Variants in ARIH1 observed in about 807,000 individuals in gnomAD.
The protein encoded by ARIH1 is ariadne RBR E3 ubiquitin protein ligase 1.
Under a neutral mutation model 85.0 loss-of-function variants are expected in ARIH1, and 8 were observed. The ratio of observed to expected loss-of-function variants is 0.09; its 90% CI spans 0.06 to 0.17. The LOEUF (loss-of-function observed/expected upper bound fraction) is 0.17. ARIH1 is among the 10% of genes least tolerant of loss of function. The pLI is 1.00. For synonymous variants in ARIH1, 238 were observed against 253.6 expected (o/e 0.94, Z 0.59); for missense variants, 311 against 718.1 (o/e 0.43, Z 6.48).
At chr15:72,517,702 G>A (rs905137127) in intron 1 of ARIH1, among the ~76,000 whole-genome samples, 1 of 152,180 alleles carries the variant, frequency 6.6e-6, no homozygotes, top group Non-Finnish European at 1.5e-5. Context: ...GGGATTACAG[G>A]TGTGAGCACC....
At chr15:72,556,439 T>G (rs1567355189) in intron 5 of ARIH1, among the ~76,000 whole-genome samples, 1 of 152,208 alleles carries the variant, frequency 6.6e-6, no homozygotes, top group Non-Finnish European at 1.5e-5. Context: ...CCCAGTACAC[T>G]TGATATGCTC....
chr15:72,561,283 A>T (rs2064196358), intron 5 of ARIH1, among the ~76,000 whole-genome samples, 200 bp from the exon 6 acceptor site: 1 of 152,226 alleles, frequency 6.6e-6, no homozygotes, highest in African/African-American at 2.4e-5. Context: ...AGTCTATGAA[A>T]ATAAAACTAT....
Position 72,565,494 on chromosome 15 carries a change from A to G in ARIH1, c.912-1069A>G, listed in dbSNP as rs1015145346. Among the ~76,000 whole-genome samples, 3 of 152,292 alleles carry G rather than the reference A, an allele frequency of 2.0e-5. No homozygotes were observed. The East Asian group carries it at 5.8e-4, about 29-fold the overall frequency. The stretch of plus-strand genomic sequence containing the variant: ...AAACATCTATAGAATTACACTTAAC[A>G]CATCATTAATAATAAATATTTCCAA... On this transcript the variant is annotated intron_variant, in intron 7 of 13. Coordinates refer to ENST00000379887, the MANE Select transcript of ARIH1 (RefSeq NM_005744.5).
chr15:72,546,089 CTA>C (rs1211749773), intron 3 of ARIH1, among the ~76,000 whole-genome samples: 1 of 152,182 alleles, frequency 6.6e-6, no homozygotes, highest in East Asian at 1.9e-4. Context: ...AGTGTTATGG[CTA>C]TTCACAGGCA....
At chr15:72,494,178 A>G (rs1474908376) in intron 1 of ARIH1, among the ~76,000 whole-genome samples, 2 of 152,170 alleles carry the variant, frequency 1.3e-5, no homozygotes. Flanking sequence ...TGAGTACTTG[A>G]TTTATTTTTA....
At chr15:72,533,003 G>A (rs2064064564) in intron 2 of ARIH1, among the ~76,000 whole-genome samples, 1 of 152,166 alleles carries the variant, frequency 6.6e-6, no homozygotes, top group South Asian at 2.1e-4. Flanking sequence ...CTTTTAGATG[G>A]GAGTTCAAGA....
chr15:72,509,652 G>A (rs2063941591), intron 1 of ARIH1, among the ~76,000 whole-genome samples: 1 of 152,032 alleles, frequency 6.6e-6, no homozygotes, highest in African/African-American at 2.4e-5. Context: ...GCAGTGATGC[G>A]ATCATAGGTC....
chr15:72,477,986 T>C (rs138515670), intron 1 of ARIH1, among the ~76,000 whole-genome samples: 44 of 152,204 alleles, frequency 2.9e-4, no homozygotes, highest in African/African-American at 1.1e-3. Flanking sequence ...CAGCTAATTC[T>C]TGTGTTACAG....
intron 5 of ARIH1, among the ~76,000 whole-genome samples, chr15:72,559,435 A>C (rs988120413): frequency 4.0e-5 from 6 of 151,892 alleles, no homozygotes; most frequent in African/African-American, 1.5e-4. Context: ...ATGCTCGGCT[A>C]ATTTTTTTGT....
Position 72,596,528 on chromosome 15 carries a change from C to T in ARIH1, c.*13236C>T, listed in dbSNP as rs2064364240. The T allele has an allele frequency of 1.3e-5, 2 of 152,078 alleles. No homozygotes were observed. Among genetic ancestry groups the T allele is most frequent in the Admixed American group, 1.3e-4 (2 of 15,268 alleles). 9.4% of individuals were successfully genotyped at this position (152,078 alleles called of 1,614,324 possible). ...TTGGCCGTTATCCGTTTACATTTTT[C>T]TCTTGTCTCATACTCTCTTGCTTCT... On this transcript the variant is annotated 3_prime_UTR_variant, in exon 14 of 14. Transcript: ENST00000379887.
At chr15:72,508,949 T>C (rs1024411278) in intron 1 of ARIH1, among the ~76,000 whole-genome samples, 5 of 151,930 alleles carry the variant, frequency 3.3e-5, no homozygotes, top group African/African-American at 7.3e-5. Flanking sequence ...CCGCCTTAGC[T>C]TCCCAAAGTG....
At chr15:72,550,123 T>C (rs966444809) in intron 3 of ARIH1, among the ~76,000 whole-genome samples, 1 of 152,244 alleles carries the variant, frequency 6.6e-6, no homozygotes, top group African/African-American at 2.4e-5. Flanking sequence ...GCTCTATCTT[T>C]AGACATCCAT....
At position 72,507,562 on chromosome 15, in the gene ARIH1, A is replaced by G. The variant is rs568939806; in HGVS notation, c.376-10505A>G. 8.5e-5 allele frequency among the ~76,000 whole-genome samples: 13 copies of G among 152,266 alleles called. No homozygotes were observed. The East Asian group carries it at 2.5e-3, about 29-fold the overall frequency. On this transcript the variant is annotated intron_variant, in intron 1 of 13. Transcript: ENST00000379887. Reference sequence around the variant, plus strand: ...AAAAGCTTCCTAGATGGCTGTGCACAGTGGCTCATTCCTATAATCCCTGTG... The same window carrying G: ...AAAAGCTTCCTAGATGGCTGTGCACGGTGGCTCATTCCTATAATCCCTGTG...
chr15:72,556,815 G>A (rs901648825), intron 5 of ARIH1, among the ~76,000 whole-genome samples: 4 of 152,164 alleles, frequency 2.6e-5, no homozygotes, highest in African/African-American at 9.7e-5. Flanking sequence ...AGAACATGTG[G>A]TATTGAGTAT....
chr15:72,560,343 T>C lies in ARIH1; in HGVS notation c.738-1140T>C, dbSNP rs1229907928. Among the ~76,000 whole-genome samples, 5 of 152,178 alleles carry C rather than the reference T, an allele frequency of 3.3e-5. No homozygotes were observed. The East Asian group carries it at 9.6e-4, about 29-fold the overall frequency. On this transcript the variant is annotated intron_variant, in intron 5 of 13. Coordinates refer to ENST00000379887, the MANE Select transcript of ARIH1 (RefSeq NM_005744.5). The stretch of plus-strand genomic sequence containing the variant: ...TGTGGAAACTCAGGAAAGGCTTCCT[T>C]GAGTAATACTTTATTGTAACTGAGT...
rs559604542 is a variant in ARIH1 at position 72,589,976 on chromosome 15, T to C, written c.*6684T>C. Reference sequence around the variant, plus strand: ...TCCTAGCTCTTCCATCTCAGTCTTATGATGTAGTTACTATTTTCATTTTAT... The same window carrying C: ...TCCTAGCTCTTCCATCTCAGTCTTACGATGTAGTTACTATTTTCATTTTAT... On this transcript the variant is annotated 3_prime_UTR_variant, in exon 14 of 14. Coordinates refer to ENST00000379887, the MANE Select transcript of ARIH1 (RefSeq NM_005744.5). 5 of 152,206 alleles carry C rather than the reference T, an allele frequency of 3.3e-5. No individual in the cohort carries two copies. Among genetic ancestry groups the C allele is most frequent in the East Asian group, 1.9e-4 (1 of 5,194 alleles). 9.4% of individuals were successfully genotyped at this position (152,206 alleles called of 1,614,324 possible).
intron 1 of ARIH1, among the ~76,000 whole-genome samples, chr15:72,497,913 T>C (rs1165246670): frequency 1.3e-5 from 2 of 152,212 alleles, no homozygotes; most frequent in South Asian, 2.1e-4. Flanking sequence ...AAACTCCATA[T>C]ACTATATTGA....
intron 1 of ARIH1, among the ~76,000 whole-genome samples, chr15:72,482,173 G>C (rs1374580956): frequency 6.6e-6 from 1 of 152,090 alleles, no homozygotes; most frequent in African/African-American, 2.4e-5. Context: ...AGTGACATCT[G>C]ACATTCTAGA....
chr15:72,510,250 G>A (rs2063944251), intron 1 of ARIH1, among the ~76,000 whole-genome samples: 1 of 152,036 alleles, frequency 6.6e-6, no homozygotes, highest in South Asian at 2.1e-4. Flanking sequence ...CCTAGTCTGT[G>A]GTATATCTTG....
Sources: gnomAD v4.1 joint callset for allele counts (sites outside exome capture counted in the v4.1 genomes callset) on GRCh38, gnomAD v4.1.1 for gene constraint, MANE v1.5 for transcripts, NCBI Gene and HGNC (gene_info 2026-07-23, HGNC 2026-07-21) for gene names.